The following SERTAD2 variants were observed in gnomAD, a reference collection of about 807,000 sequenced individuals.
SERTAD2 encodes the protein SERTA domain-containing protein 2.
SERTAD2 carries 2 observed loss-of-function variants against 15.4 expected under a neutral mutation model. That is an observed-to-expected ratio of 0.13 (90% confidence interval 0.05 to 0.41). The LOEUF (loss-of-function observed/expected upper bound fraction) is 0.41. Among genes scored for constraint, SERTAD2 ranks in the 10% least tolerant of loss-of-function variants. The pLI is 0.99. For synonymous variants in SERTAD2, 180 were observed against 178.0 expected (o/e 1.01, Z -0.09); for missense variants, 333 against 409.7 (o/e 0.81, Z 1.62).
At chr2:64,640,543 C>T (rs1344690269) in intron 1 of SERTAD2, among the ~76,000 whole-genome samples, 1 of 152,072 alleles carries the variant, frequency 6.6e-6, no homozygotes, top group African/African-American at 2.4e-5. Flanking sequence ...AGGCAAGGGA[C>T]CTTTCAAAAA....
chr2:64,644,355 C>G (rs1294156183), intron 1 of SERTAD2, among the ~76,000 whole-genome samples: 5 of 152,234 alleles, frequency 3.3e-5, no homozygotes, highest in Non-Finnish European at 5.9e-5. Context: ...CTTCACTCCA[C>G]AGGCTGGTCT....
At position 64,632,972 on chromosome 2, in the gene SERTAD2, C is replaced by T. The variant is rs191536993; in HGVS notation, c.*2955G>A. 6.6e-6 allele frequency: 1 copy of T among 152,648 alleles called. No individual in the cohort carries two copies. Among genetic ancestry groups the T allele is most frequent in the South Asian group, 2.1e-4 (1 of 4,824 alleles). 9.5% of individuals were successfully genotyped at this position (152,648 alleles called of 1,614,324 possible). A position where few individuals can be genotyped will look rare whatever the true frequency, so the allele number is the denominator to read the frequency against. ...CATCAGTGTCAATAACTGTCCTCTC[C>T]CAGCCCCAGCTCGGTTTTCTCGTAA... On this transcript the variant is annotated 3_prime_UTR_variant, in exon 2 of 2. Coordinates refer to ENST00000313349, the MANE Select transcript of SERTAD2 (RefSeq NM_014755.3).
chr2:64,636,352 C>T lies in SERTAD2; in HGVS notation c.520G>A (p.Asp174Asn). 1.2e-6 allele frequency: 2 copies of T among 1,614,200 alleles called. No individual in the cohort carries two copies. Among genetic ancestry groups the T allele is most frequent in the Non-Finnish European group, 1.7e-6 (2 of 1,180,028 alleles). Residue 174 changes from aspartate to asparagine, a missense_variant, in exon 2 of 2, where the codon GAC (aspartate) becomes AAC (asparagine). By Grantham distance (23) the Asp-to-Asn change is conservative. Around this residue, in one of 2 missense-constraint regions of SERTAD2, gnomAD observed 332 missense variants for 392.9 expected, o/e 0.84. Coordinates refer to ENST00000313349, the MANE Select transcript of SERTAD2 (RefSeq NM_014755.3). ...GTGGGACAGAGCTCCTCGATCTCGT[C>T]CAAGGCAGAGGAGAAACTGTCCTTT... ...PEKDSFSSAL[D>N]EIEELCPTST...
At chr2:64,637,282 T>TA (rs1573082741) in intron 1 of SERTAD2, among the ~76,000 whole-genome samples, 1 of 152,238 alleles carries the variant, frequency 6.6e-6, no homozygotes, top group African/African-American at 2.4e-5. Flanking sequence ...AGAAAACACT[T>TA]ACAATGCTAT....
At chr2:64,648,534 C>T (rs1287602635) in intron 1 of SERTAD2, among the ~76,000 whole-genome samples, 2 of 152,146 alleles carry the variant, frequency 1.3e-5, no homozygotes, top group African/African-American at 2.4e-5. Flanking sequence ...AGCTATGTCA[C>T]TTAAATACAA....
At chr2:64,642,552 C>T (rs576478351) in intron 1 of SERTAD2, among the ~76,000 whole-genome samples, 6 of 151,764 alleles carry the variant, frequency 4.0e-5, no homozygotes, top group African/African-American at 1.5e-4. Context: ...TTTGAACTGT[C>T]AAAGTAAATG....
Position 64,632,175 on chromosome 2 carries a change from T to C in SERTAD2, c.*3752A>G, listed in dbSNP as rs1013242105. 6.6e-6 allele frequency: 1 copy of C among 152,536 alleles called. No homozygotes were observed. The highest frequency in any genetic ancestry group is 2.4e-5 in the African/African-American group (1 of 41,430). The allele number at this position is 152,536 out of a possible 1,614,324, so 9.4% of individuals were successfully genotyped here. ...TTTCAGAAAATGTATAAAGGTCCAA[T>C]TTGTAACAGCAAGGTTTTCAAATTA... On this transcript the variant is annotated 3_prime_UTR_variant, in exon 2 of 2. Coordinates refer to ENST00000313349, the MANE Select transcript of SERTAD2 (RefSeq NM_014755.3).
rs779882053 is a variant in SERTAD2, at chr2:64,636,500, C to T, written c.372G>A (p.Thr124=). The change falls in exon 2 of 2, where the codon ACG becomes ACA. Residue 124 remains threonine (T), a synonymous_variant. Coordinates refer to ENST00000313349, the MANE Select transcript of SERTAD2 (RefSeq NM_014755.3). ...CCGGGGTGAGGCAGGCCTCCAGGGG[C>T]GTAGTGCTTCCGAGGTCGCAGGGGT... ...SSHPCDLGST[T]PLEACLTPAS... is the part of the protein sequence containing the mutation. The T allele has an allele frequency of 3.3e-5, 53 of 1,609,698 alleles. No individual in the cohort carries two copies. The highest frequency in any genetic ancestry group is 8.4e-5 in the Admixed American group (5 of 59,778).
At chr2:64,650,788 T>C (rs1558657093) in intron 1 of SERTAD2, among the ~76,000 whole-genome samples, 1 of 152,206 alleles carries the variant, frequency 6.6e-6, no homozygotes, top group Non-Finnish European at 1.5e-5. Context: ...CATGGCACTT[T>C]TAGATTTTCA....
chr2:64,646,309 C>T (rs981745035), intron 1 of SERTAD2: 4 of 152,238 alleles, frequency 2.6e-5, no homozygotes, highest in African/African-American at 9.6e-5. Context: ...AAAACCACAG[C>T]ACGCCAATAC....
chr2:64,637,745 A>C (rs1421069771), intron 1 of SERTAD2, among the ~76,000 whole-genome samples: 1 of 152,246 alleles, frequency 6.6e-6, no homozygotes, highest in South Asian at 2.1e-4. Flanking sequence ...CTCATATCTC[A>C]GACCCTGAGA....
intron 1 of SERTAD2, among the ~76,000 whole-genome samples, chr2:64,649,054 C>A (rs1558656576): frequency 2.0e-5 from 3 of 152,194 alleles, no homozygotes; most frequent in African/African-American, 7.2e-5. Context: ...AAAAGCAAAT[C>A]TGTATCACCT....
At chr2:64,647,204 T>G (rs1157547011) in intron 1 of SERTAD2, among the ~76,000 whole-genome samples, 1 of 152,260 alleles carries the variant, frequency 6.6e-6, no homozygotes, top group Non-Finnish European at 1.5e-5. Flanking sequence ...TGATGTTGTA[T>G]GTTCAATAAT....
intron 1 of SERTAD2, among the ~76,000 whole-genome samples, chr2:64,640,396 T>C (rs1001209253): frequency 6.6e-6 from 1 of 152,204 alleles, no homozygotes; most frequent in African/African-American, 2.4e-5. Flanking sequence ...GCCAGGCGCA[T>C]CAGCCCCTCC....
chr2:64,636,517 C>G lies in SERTAD2; in HGVS notation c.355G>C (p.Asp119His). Residue 119 changes from aspartate (D) to histidine (H), a missense_variant, in exon 2 of 2, where the codon GAC becomes CAC. Asp to His is a moderately conservative substitution (Grantham distance 81). Coordinates refer to ENST00000313349, the MANE Select transcript of SERTAD2 (RefSeq NM_014755.3). ...TCCAGGGGCGTAGTGCTTCCGAGGT[C>G]GCAGGGGTGGGAGGACGGGGACGCC... ...HLASPSSHPC[D>H]LGSTTPLEAC... 2 of 1,605,292 alleles carry G rather than the reference C, an allele frequency of 1.2e-6. No individual in the cohort carries two copies. Among genetic ancestry groups the G allele is most frequent in the East Asian group, 2.2e-5 (1 of 44,690 alleles).
intron 1 of SERTAD2, among the ~76,000 whole-genome samples, chr2:64,651,379 G>A (rs746882273): frequency 4.6e-5 from 7 of 152,116 alleles, no homozygotes; most frequent in African/African-American, 1.4e-4. Context: ...ATTTGCATTC[G>A]AACATCTTCA....
chr2:64,644,188 C>T lies in SERTAD2; in HGVS notation c.-4-7313G>A, dbSNP rs77474719. On this transcript the variant is annotated intron_variant, in intron 1 of 1. Transcript: ENST00000313349. ...AGCCCTAAGTGGAAACACATTCATACTCCTGGTGTCTTTTGGTGGTGGTGG... is the reference window on the plus strand; with the variant it reads ...AGCCCTAAGTGGAAACACATTCATATTCCTGGTGTCTTTTGGTGGTGGTGG... Among the ~76,000 whole-genome samples, 350 of 152,358 alleles carry T rather than the reference C, an allele frequency of 2.3e-3. 1 individual carries two copies. Among genetic ancestry groups the T allele is most frequent in the African/African-American group, 8.2e-3 (340 of 41,582 alleles).
chr2:64,651,466 ACT>A lies in SERTAD2; in HGVS notation c.-5+2152_-5+2153del, dbSNP rs2104354491. ...CCTTTCTAAAGTAGTGTTGTAACTT[ACT>A]CTGCCATTGGAACCCTGTTTAAAAT... On this transcript the variant is annotated intron_variant, in intron 1 of 1. Coordinates refer to ENST00000313349, the MANE Select transcript of SERTAD2 (RefSeq NM_014755.3). Among the ~76,000 whole-genome samples the A allele has an allele frequency of 2.0e-5, 3 of 152,288 alleles. No individual in the cohort carries two copies. The East Asian group carries it at 5.8e-4, about 29-fold the overall frequency.
At position 64,636,317 on chromosome 2, in the gene SERTAD2, G is replaced by A. The variant is rs753536153; in HGVS notation, c.555C>T (p.Ser185=). 6.2e-7 allele frequency: 1 copy of A among 1,614,206 alleles called. No individual in the cohort carries two copies. The highest frequency in any genetic ancestry group is 2.2e-5 in the East Asian group (1 of 44,886). ...EIEELCPTST[S]TEAATAATDS... ...CAGTCGCAGCCGTGGCCGCCTCTGT[G>A]GAGGTAGATGTGGGACAGAGCTCCT... The change falls in exon 2 of 2, where the codon TCC becomes TCT. Residue 185 remains serine (S), a synonymous_variant. Transcript: ENST00000313349.
Sources: allele counts gnomAD v4.1 joint callset (sites outside exome capture counted in the v4.1 genomes callset), GRCh38; gene constraint gnomAD v4.1.1; regional missense constraint gnomAD v4.1.1; transcripts MANE v1.5; gene names NCBI Gene and HGNC (gene_info 2026-07-23, HGNC 2026-07-21).